PHKB: variants seen among roughly 807,000 people sequenced by gnomAD.
The protein encoded by PHKB is phosphorylase kinase regulatory subunit beta.
Under a neutral mutation model 152.1 loss-of-function variants are expected in PHKB, and 122 were observed. That is an observed-to-expected ratio of 0.80 (90% confidence interval 0.69 to 0.93). PHKB has a LOEUF of 0.93. Ranked by LOEUF, PHKB falls within the 40% of genes least tolerant of loss-of-function variation. The pLI is 0.00. For synonymous variants in PHKB, 436 were observed against 464.9 expected, an observed-to-expected ratio of 0.94 and a Z score of 0.80; for missense variants, 1,304 against 1,328.4, an observed-to-expected ratio of 0.98 and a Z score of 0.29.
At chr16:47,612,387 G>C (rs1229865904) in intron 14 of PHKB, among the ~76,000 whole-genome samples, 2 of 152,178 alleles carry the variant, frequency 1.3e-5, no homozygotes, top group African/African-American at 4.8e-5. Flanking sequence ...AAAATCATCA[G>C]TTTAAACAGT....
chr16:47,637,306 C>T (rs1972938758), intron 14 of PHKB, among the ~76,000 whole-genome samples: 1 of 152,176 alleles, frequency 6.6e-6, no homozygotes, highest in South Asian at 2.1e-4. Flanking sequence ...TTGGGACTCA[C>T]CAAATGGCAG....
chr16:47,517,899 C>T (rs1305895208), intron 6 of PHKB, among the ~76,000 whole-genome samples: 1 of 152,158 alleles, frequency 6.6e-6, no homozygotes, highest in African/African-American at 2.4e-5. Context: ...CATTTCCGCT[C>T]ACCATCTTTT....
Position 47,496,927 on chromosome 16 carries a change from G to A in PHKB, c.77-472G>A, listed in dbSNP as rs138545997. Among the ~76,000 whole-genome samples, 260 of 152,300 alleles carry A rather than the reference G, an allele frequency of 1.7e-3. 2 individuals are homozygous for A. Among genetic ancestry groups the A allele is most frequent in the African/African-American group, 5.9e-3 (246 of 41,574 alleles). ...AACCTAGCTGAATATTCGTGGAGTG[G>A]ATGGCTTTGGAGTATGTGAACATTA... On this transcript the variant is annotated intron_variant, in intron 1 of 30. Transcript: ENST00000323584.
At chr16:47,605,627 C>A (rs891497201) in intron 13 of PHKB, among the ~76,000 whole-genome samples, 1 of 151,852 alleles carries the variant, frequency 6.6e-6, no homozygotes, top group African/African-American at 2.4e-5. Flanking sequence ...ACTAATCAAC[C>A]CTGTATCATG....
At chr16:47,580,572 A>G (rs911536213) in intron 8 of PHKB, among the ~76,000 whole-genome samples, 18 of 151,644 alleles carry the variant, frequency 1.2e-4, no homozygotes, top group East Asian at 3.9e-4. Flanking sequence ...AAAAAAAAAA[A>G]AAAGAAAATT....
chr16:47,648,764 T>A, intron 17 of PHKB, 148 bp downstream of exon 17: 1 of 682,106 alleles, frequency 1.5e-6, no homozygotes, highest in Non-Finnish European at 2.7e-6. Context: ...TAAACATTAC[T>A]TATTTAGCAT....
rs1009877433 is a variant in PHKB, at chr16:47,611,041, C to A, written c.1458+121C>A. The A allele has an allele frequency of 1.3e-5, 9 of 714,466 alleles. No individual in the cohort carries two copies. The African/African-American group carries it at 1.4e-4, about 11-fold the overall frequency. The allele number at this position is 714,466 out of a possible 1,614,324, so 44.3% of individuals were successfully genotyped here. A position where few individuals can be genotyped will look rare whatever the true frequency, so the allele number is the denominator to read the frequency against. On this transcript the variant is annotated intron_variant, in intron 14 of 30. Coordinates refer to ENST00000323584, the MANE Select transcript of PHKB (RefSeq NM_000293.3). ...CCTTCTGACGGAAAGGTTTCTCCCT[C>A]TTCTGGTTAGTTAAGATTTACTTGT...
intron 26 of PHKB, among the ~76,000 whole-genome samples, chr16:47,671,023 C>T (rs1973628981): frequency 6.6e-6 from 1 of 152,166 alleles, no homozygotes; most frequent in Non-Finnish European, 1.5e-5. Context: ...CACCTGCTCC[C>T]ACAGTACCCT....
chr16:47,629,043 A>C (rs889276500), intron 14 of PHKB, among the ~76,000 whole-genome samples: 9 of 152,232 alleles, frequency 5.9e-5, no homozygotes, highest in African/African-American at 1.4e-4. Context: ...TAAAGACTTA[A>C]ATGTTAGACC....
chr16:47,497,509 A>G, intron 2 of PHKB, 21 bp downstream of exon 2: 1 of 1,392,432 alleles, frequency 7.2e-7, no homozygotes, highest in Non-Finnish European at 1.0e-6. Flanking sequence ...CCTGAGGAAA[A>G]CGTGTCCTTA....
At chr16:47,475,357 C>A (rs1969850512) in intron 1 of PHKB, among the ~76,000 whole-genome samples, 2 of 152,106 alleles carry the variant, frequency 1.3e-5, no homozygotes, top group Non-Finnish European at 2.9e-5. Context: ...CTTTTTCTAT[C>A]TCGGGAACTT....
intron 1 of PHKB, among the ~76,000 whole-genome samples, chr16:47,495,037 G>A (rs890782690): frequency 2.0e-5 from 3 of 152,076 alleles, no homozygotes; most frequent in Admixed American, 1.3e-4. Context: ...TATCATGGGC[G>A]TTCTTTGAAT....
At chr16:47,560,293 TTG>T (rs746016657) in intron 7 of PHKB, among the ~76,000 whole-genome samples, 27 of 152,210 alleles carry the variant, frequency 1.8e-4, no homozygotes, top group Non-Finnish European at 3.7e-4. Flanking sequence ...GTTCTTGTAC[TTG>T]TATATTGAAA....
chr16:47,604,338 C>G (rs752830278), intron 13 of PHKB, among the ~76,000 whole-genome samples: 4 of 152,214 alleles, frequency 2.6e-5, no homozygotes, highest in Non-Finnish European at 5.9e-5. Context: ...TCAGATCTAC[C>G]AGTGTTTTCC....
In PHKB at chr16:47,501,985, G is replaced by C. The variant is rs138266642; in HGVS notation, c.306-1006G>C. Among the ~76,000 whole-genome samples, 96 of 152,198 alleles carry C rather than the reference G, an allele frequency of 6.3e-4. 1 individual carries two copies. Among genetic ancestry groups the C allele is most frequent in the African/African-American group, 2.1e-3 (87 of 41,528 alleles). The stretch of plus-strand genomic sequence containing the variant: ...TGTGCAATGCCAGCATGAAAAAGAA[G>C]GTATGATGTGCTAATGATGAATAAC... On this transcript the variant is annotated intron_variant, in intron 3 of 30. Transcript: ENST00000323584.
At chr16:47,501,689 A>G (rs1321460607) in intron 3 of PHKB, among the ~76,000 whole-genome samples, 1 of 152,230 alleles carries the variant, frequency 6.6e-6, no homozygotes, top group Non-Finnish European at 1.5e-5. Context: ...AGACTTATTC[A>G]TTATAGCATC....
chr16:47,473,218 A>ATT (rs1043960499), intron 1 of PHKB, among the ~76,000 whole-genome samples: 692 of 48,700 alleles, frequency 0.014, 165 homozygotes, highest in Non-Finnish European at 0.019. Flanking sequence ...TGCCTGGCTA[A>ATT]TTTTTTTTTT....
intron 29 of PHKB, among the ~76,000 whole-genome samples, chr16:47,696,839 T>A (rs1360735821): frequency 6.6e-6 from 1 of 152,234 alleles, no homozygotes; most frequent in Non-Finnish European, 1.5e-5. Flanking sequence ...CTATTCACTT[T>A]CTTTTCTATT....
intron 26 of PHKB, among the ~76,000 whole-genome samples, chr16:47,684,035 T>C (rs928855391): frequency 2.0e-5 from 3 of 151,954 alleles, no homozygotes; most frequent in Non-Finnish European, 2.9e-5. Flanking sequence ...TTTTTTTTTT[T>C]CCAGAAAATT....
Sources: allele counts gnomAD v4.1 joint callset (sites outside exome capture counted in the v4.1 genomes callset), GRCh38; gene constraint gnomAD v4.1.1; transcripts MANE v1.5; gene names NCBI Gene and HGNC (gene_info 2026-07-23, HGNC 2026-07-21).